SAMD3: variants seen among roughly 807,000 people sequenced by gnomAD.
SAMD3 encodes sterile alpha motif domain-containing protein 3.
Under a neutral mutation model 58.5 loss-of-function variants are expected in SAMD3, and 63 were observed. That is an observed-to-expected ratio of 1.08 (90% confidence interval 0.88 to 1.33). The LOEUF (loss-of-function observed/expected upper bound fraction) is 1.33, where lower values mean the gene tolerates loss of function less well. SAMD3 is among the 40% of genes most tolerant of loss of function. The pLI is 0.00. For missense variants in SAMD3, 604 were observed against 608.4 expected, an observed-to-expected ratio of 0.99 and a Z score of 0.08; for synonymous variants, 220 against 210.3, an observed-to-expected ratio of 1.05 and a Z score of -0.40.
intron 2 of SAMD3, among the ~76,000 whole-genome samples, chr6:130,228,743 C>G (rs986235446): frequency 3.3e-5 from 5 of 152,184 alleles, no homozygotes; most frequent in Non-Finnish European, 7.3e-5. Flanking sequence ...AACATGGACC[C>G]TGATGGAAGC....
exon 1 of SAMD3, chr6:130,365,313 CCTCT>C (rs1463155590): frequency 1.9e-5 from 19 of 985,490 alleles, no homozygotes; most frequent in Admixed American, 6.1e-5. Context: ...GCTTCAGTTC[CCTCT>C]GTCTTCCATT....
chr6:130,162,207 C>A (rs1004629370), intron 8 of SAMD3: 34 of 699,268 alleles, frequency 4.9e-5, no homozygotes, highest in Admixed American at 1.4e-4. Flanking sequence ...CCACAGTAAC[C>A]TAAGCTCTCA....
At chr6:130,221,955 T>A (rs929097494) in intron 1 of SAMD3, among the ~76,000 whole-genome samples, 4 of 152,232 alleles carry the variant, frequency 2.6e-5, no homozygotes, top group Non-Finnish European at 4.4e-5. Flanking sequence ...TCTTCATTTA[T>A]TCCATTGGAA....
intron 7 of SAMD3, among the ~76,000 whole-genome samples, chr6:130,178,995 T>G (rs1174555766): frequency 6.6e-6 from 1 of 152,170 alleles, no homozygotes; most frequent in Non-Finnish European, 1.5e-5. Flanking sequence ...TGTATTTTTC[T>G]TAGCCATGAA....
chr6:130,199,726 C>G lies in SAMD3; in HGVS notation c.383+9769G>C, dbSNP rs139084757. ...AGATGCTGTCTCTGAAGATATTGAA[C>G]AATGTCACTTCAAAGCACCCCTAAA... On this transcript the variant is annotated intron_variant, in intron 5 of 11. Coordinates refer to ENST00000439090, the MANE Select transcript of SAMD3 (RefSeq NM_001017373.4). Among the ~76,000 whole-genome samples, 39 of 152,270 alleles carry G rather than the reference C, an allele frequency of 2.6e-4. No homozygotes were observed. In the East Asian group the frequency reaches 7.5e-3, roughly 29 times the overall value.
chr6:130,288,878 AT>A (rs1775266172), intron 2 of SAMD3, among the ~76,000 whole-genome samples: 1 of 152,176 alleles, frequency 6.6e-6, no homozygotes, highest in Non-Finnish European at 1.5e-5. Flanking sequence ...CAACACAGCT[AT>A]TTCACTCTAT....
intron 7 of SAMD3, chr6:130,183,532 C>T (rs1416503293): frequency 1.3e-5 from 5 of 393,854 alleles, no homozygotes; most frequent in Admixed American, 1.1e-4. Context: ...GCAGGTGCAG[C>T]CATGTCTTTC....
chr6:130,145,089 G>A (rs9402217), intron 11 of SAMD3, among the ~76,000 whole-genome samples: 81,228 of 151,804 alleles, frequency 0.54, 22,137 homozygotes, highest in Non-Finnish European at 0.59. Context: ...GTGAAACCCC[G>A]TCTCTACTAA....
chr6:130,192,312 G>A (rs970682762), intron 5 of SAMD3, among the ~76,000 whole-genome samples: 3 of 152,174 alleles, frequency 2.0e-5, no homozygotes, highest in African/African-American at 7.2e-5. Context: ...AGAGACAGGT[G>A]TCAGGCCTCT....
intron 2 of SAMD3, among the ~76,000 whole-genome samples, chr6:130,216,109 T>C (rs1023277997): frequency 1.3e-5 from 2 of 152,076 alleles, no homozygotes; most frequent in African/African-American, 4.8e-5. Flanking sequence ...GTTTGCAAGA[T>C]ATATTCTTTA....
intron 1 of SAMD3, among the ~76,000 whole-genome samples, chr6:130,355,453 A>T (rs1283040702): frequency 6.6e-6 from 1 of 152,064 alleles, no homozygotes; most frequent in Non-Finnish European, 1.5e-5. Context: ...AAAAATAAGG[A>T]TGCAACTTAC....
chr6:130,340,100 G>T (rs1777223581), intron 1 of SAMD3, among the ~76,000 whole-genome samples: 1 of 152,166 alleles, frequency 6.6e-6, no homozygotes, highest in South Asian at 2.1e-4. Flanking sequence ...TGCACAGATG[G>T]TTTACAATAT....
At chr6:130,317,538 G>A (rs935361737) in intron 1 of SAMD3, among the ~76,000 whole-genome samples, 1 of 152,196 alleles carries the variant, frequency 6.6e-6, no homozygotes, top group African/African-American at 2.4e-5. Flanking sequence ...GGAATGTCAG[G>A]AAAGTCTTAT....
intron 8 of SAMD3, among the ~76,000 whole-genome samples, chr6:130,173,650 C>G (rs992626675): frequency 6.6e-5 from 10 of 152,240 alleles, no homozygotes; most frequent in African/African-American, 2.4e-4. Flanking sequence ...TCAGGAGGCA[C>G]TGGGGTCAGG....
chr6:130,194,599 T>C (rs182893727), intron 5 of SAMD3, among the ~76,000 whole-genome samples: 10 of 152,202 alleles, frequency 6.6e-5, no homozygotes, highest in Admixed American at 2.6e-4. Context: ...GAACCTCCTC[T>C]CCCAGGAGCT....
In SAMD3 at chr6:130,319,168, T is replaced by G. The variant is rs78668005; in HGVS notation, c.-303-6075A>C. Among the ~76,000 whole-genome samples the G allele has an allele frequency of 4.2e-3, 639 of 152,104 alleles. 5 individuals carry two copies. The highest frequency in any genetic ancestry group is 0.015 in the African/African-American group (611 of 41,512). Reference sequence around the variant, plus strand: ...GGTTGTGAGGCAACTTCAAGCAAACTAATACAGGAGAATTTGGAACCCCCA... The same window carrying G: ...GGTTGTGAGGCAACTTCAAGCAAACGAATACAGGAGAATTTGGAACCCCCA... On this transcript the variant is annotated intron_variant, in intron 1 of 13. Coordinates refer to the SAMD3 transcript ENST00000368134.
At chr6:130,176,099 C>A (rs775474607) in intron 7 of SAMD3, 91 bp from the exon 8 acceptor site, 45 of 967,718 alleles carry the variant, frequency 4.7e-5, no homozygotes. Flanking sequence ...ACATACCTAT[C>A]ATCTTTGGGC....
intron 8 of SAMD3, among the ~76,000 whole-genome samples, chr6:130,163,449 C>T (rs750075340): frequency 7.2e-5 from 11 of 152,160 alleles, no homozygotes; most frequent in Admixed American, 1.3e-4. Flanking sequence ...GGAACTTGAA[C>T]AGTAGCTTAG....
At chr6:130,181,451 C>T (rs929075646) in intron 7 of SAMD3, among the ~76,000 whole-genome samples, 2 of 152,134 alleles carry the variant, frequency 1.3e-5, no homozygotes, top group Non-Finnish European at 2.9e-5. Flanking sequence ...CAGAGTTTCT[C>T]CTTCTACTCT....
Sources: allele counts gnomAD v4.1 joint callset (sites outside exome capture counted in the v4.1 genomes callset), GRCh38; gene constraint gnomAD v4.1.1; transcripts MANE v1.5; gene names NCBI Gene and HGNC (gene_info 2026-07-23, HGNC 2026-07-21).